The following CFAP70 variants were observed in gnomAD, a reference collection of about 807,000 sequenced individuals.
The protein encoded by CFAP70 is cilia- and flagella-associated protein 70.
In CFAP70, 81 loss-of-function variants were observed where a neutral mutation model predicts 137.6. The ratio of observed to expected loss-of-function variants is 0.59; its 90% CI spans 0.49 to 0.71. The LOEUF (loss-of-function observed/expected upper bound fraction) is 0.71. Among genes scored for constraint, CFAP70 ranks in the 30% least tolerant of loss-of-function variants. The probability of loss-of-function intolerance (pLI) is 0.00; values close to 1 mark genes in which losing one functional copy is unlikely to be tolerated. For synonymous variants in CFAP70, 382 were observed against 423.6 expected, an observed-to-expected ratio of 0.90 and a Z score of 1.20; for missense variants, 976 against 1,226.7, an observed-to-expected ratio of 0.80 and a Z score of 3.05.
intron 3 of CFAP70, among the ~76,000 whole-genome samples, chr10:73,351,069 G>GTATATATATA (rs1367174993): frequency 7.1e-4 from 36 of 50,536 alleles, no homozygotes; most frequent in Non-Finnish European, 8.8e-4. Flanking sequence ...GTGTGTGTGT[G>GTATATATATA]TGTATATATA....
At chr10:73,299,947 CG>C (rs1331939926) in intron 12 of CFAP70, among the ~76,000 whole-genome samples, 1 of 152,030 alleles carries the variant, frequency 6.6e-6, no homozygotes, top group African/African-American at 2.4e-5. Flanking sequence ...TTTACCCTTA[CG>C]TATTTAAAAA....
chr10:73,344,390 G>C (rs943408684), intron 5 of CFAP70, among the ~76,000 whole-genome samples: 7 of 152,216 alleles, frequency 4.6e-5, no homozygotes, highest in Non-Finnish European at 1.0e-4. Context: ...AAGTTGGAGA[G>C]AGGGCAATGC....
At chr10:73,288,488 T>C (rs1030122358) in intron 19 of CFAP70, among the ~76,000 whole-genome samples, 1 of 152,170 alleles carries the variant, frequency 6.6e-6, no homozygotes, top group African/African-American at 2.4e-5. Flanking sequence ...ATCAGGCACT[T>C]TGGCAACTAC....
intron 19 of CFAP70, among the ~76,000 whole-genome samples, chr10:73,284,669 G>GT (rs1170218298): frequency 6.2e-4 from 67 of 108,890 alleles, no homozygotes; most frequent in Non-Finnish European, 9.8e-4. Flanking sequence ...TGTAATTGTG[G>GT]TTTTTTTTTA....
intron 19 of CFAP70, among the ~76,000 whole-genome samples, chr10:73,280,157 G>A (rs1011484125): frequency 1.3e-5 from 2 of 151,964 alleles, no homozygotes; most frequent in Admixed American, 6.6e-5. Flanking sequence ...GAAATTGATT[G>A]GCTAATATTT....
chr10:73,321,900 C>T (rs2050890059), intron 9 of CFAP70, among the ~76,000 whole-genome samples: 1 of 152,186 alleles, frequency 6.6e-6, no homozygotes, highest in Non-Finnish European at 1.5e-5. Context: ...TCTCTTGCCT[C>T]AGCCTCCTGA....
chr10:73,278,051 G>A (rs995022241), intron 20 of CFAP70, 128 bp downstream of exon 21: 13 of 853,420 alleles, frequency 1.5e-5, no homozygotes, highest in Admixed American at 1.5e-4. Flanking sequence ...TTACACCATT[G>A]AGTTTGGATT....
chr10:73,267,740 T>C (rs567861306), intron 25 of CFAP70, among the ~76,000 whole-genome samples: 1 of 152,338 alleles, frequency 6.6e-6, no homozygotes, highest in South Asian at 2.1e-4. Flanking sequence ...AAGGCCAAAA[T>C]CAAGGTGTCA....
intron 8 of CFAP70, among the ~76,000 whole-genome samples, chr10:73,325,562 A>T (rs1427155187): frequency 6.6e-6 from 1 of 152,178 alleles, no homozygotes; most frequent in African/African-American, 2.4e-5. Flanking sequence ...AAGAGTCAAG[A>T]CCCATCAGTG....
intron 9 of CFAP70, among the ~76,000 whole-genome samples, chr10:73,320,400 T>G (rs1044064074): frequency 2.4e-4 from 36 of 152,146 alleles, no homozygotes; most frequent in Non-Finnish European, 3.5e-4. Context: ...CACAGCTCAC[T>G]GCAGCCTTGA....
At chr10:73,303,522 G>A (rs1041389032) in intron 12 of CFAP70, among the ~76,000 whole-genome samples, 2 of 151,822 alleles carry the variant, frequency 1.3e-5, no homozygotes, top group African/African-American at 4.8e-5. Context: ...CCGGCCTATT[G>A]TTGCCATTCT....
intron 5 of CFAP70, 24 bp from the exon 7 acceptor site, chr10:73,341,605 C>A (rs1285369488): frequency 6.3e-7 from 1 of 1,593,816 alleles, no homozygotes; most frequent in South Asian, 1.1e-5. Flanking sequence ...TACCATATGT[C>A]AGGAAAATTT....
intron 26 of CFAP70, 34 bp from the exon 28 acceptor site, chr10:73,254,089 G>A (rs1377310634): frequency 6.5e-7 from 1 of 1,547,876 alleles, no homozygotes; most frequent in South Asian, 1.2e-5. Flanking sequence ...AAAGATATAT[G>A]TCATACGTGA....
chr10:73,302,052 C>T lies in CFAP70; in HGVS notation c.1257-2387G>A, dbSNP rs146203928. 3.5e-3 allele frequency among the ~76,000 whole-genome samples: 530 copies of T among 152,240 alleles called. 3 individuals are homozygous for T. Among genetic ancestry groups the T allele is most frequent in the African/African-American group, 0.012 (507 of 41,526 alleles). ...TAAGGAAACTTACATCTAAGTATAT[C>T]TTACATCTTACATGTAAGTCCCAGA... On this transcript the variant is annotated intron_variant, in intron 12 of 26. Transcript: ENST00000310715.
chr10:73,326,808 A>T (rs2132256779), intron 8 of CFAP70, among the ~76,000 whole-genome samples: 1 of 152,280 alleles, frequency 6.6e-6, no homozygotes, highest in Admixed American at 6.5e-5. Context: ...ATCTCTGAAT[A>T]GACCAATAAC....
intron 25 of CFAP70, among the ~76,000 whole-genome samples, chr10:73,261,739 T>C (rs1330681743): frequency 6.6e-6 from 1 of 151,946 alleles, no homozygotes; most frequent in African/African-American, 2.4e-5. Context: ...ACTCCCAGGC[T>C]CAAGCGATTT....
chr10:73,292,257 G>T (rs2131917160), intron 16 of CFAP70, among the ~76,000 whole-genome samples: 2 of 152,208 alleles, frequency 1.3e-5, no homozygotes, highest in Non-Finnish European at 1.5e-5. Flanking sequence ...CCTAGTGTCA[G>T]TATTCTGGTC....
intron 10 of CFAP70, 89 bp from the exon 12 acceptor site, chr10:73,312,003 G>T: frequency 1.1e-6 from 1 of 944,096 alleles, no homozygotes; most frequent in Non-Finnish European, 1.7e-6. Context: ...GCATCAAAAT[G>T]CAAACTAACT....
At chr10:73,291,161 T>G in intron 19 of CFAP70, 65 bp downstream of exon 20, 4 of 1,464,520 alleles carry the variant, frequency 2.7e-6, no homozygotes, top group Non-Finnish European at 3.8e-6. Context: ...ACTACAGGTG[T>G]GAGCCACCAC....
Sources: allele counts gnomAD v4.1 joint callset (sites outside exome capture counted in the v4.1 genomes callset), GRCh38; gene constraint gnomAD v4.1.1; transcripts MANE v1.5; gene names NCBI Gene and HGNC (gene_info 2026-07-23, HGNC 2026-07-21).